The following HHLA1 variants were observed in gnomAD, a reference collection of about 807,000 sequenced individuals.
HHLA1 encodes HERV-H LTR-associating protein 1.
HHLA1 carries 72 observed loss-of-function variants against 69.9 expected under a neutral mutation model. That is an observed-to-expected ratio of 1.03 (90% CI 0.85 to 1.25). HHLA1 has a LOEUF of 1.25. Ranked by LOEUF, HHLA1 falls within the 50% of genes most tolerant of loss-of-function variation. The pLI is 0.00. For synonymous variants in HHLA1, 252 were observed against 233.2 expected, an observed-to-expected ratio of 1.08 and a Z score of -0.73; for missense variants, 685 against 642.2, an observed-to-expected ratio of 1.07 and a Z score of -0.72.
intron 12 of HHLA1, among the ~76,000 whole-genome samples, chr8:132,076,816 G>C (rs1187138010): frequency 6.6e-6 from 1 of 152,128 alleles, no homozygotes; most frequent in East Asian, 1.9e-4. Context: ...CTGCACAGGA[G>C]AGCGATGGTG....
intron 15 of HHLA1, 95 bp from the exon 16 acceptor site, chr8:132,066,063 T>C: frequency 2.1e-6 from 1 of 465,724 alleles, no homozygotes; most frequent in Non-Finnish European, 4.1e-6. Context: ...AAACATGAAC[T>C]ATATGGCCAA....
chr8:132,098,852 A>G (rs764996032), intron 5 of HHLA1, 30 bp downstream of exon 5: 83 of 1,432,206 alleles, frequency 5.8e-5, no homozygotes, highest in Non-Finnish European at 7.8e-5. Flanking sequence ...AAAAAAATGG[A>G]CCTGGATTGT....
chr8:132,074,813 T>C (rs1026769379), intron 14 of HHLA1, among the ~76,000 whole-genome samples: 1 of 152,150 alleles, frequency 6.6e-6, no homozygotes, highest in Non-Finnish European at 1.5e-5. Context: ...GATAGATAGA[T>C]GGCTTGGATA....
chr8:132,071,623 A>C, intron 14 of HHLA1, 130 bp from the exon 15 acceptor site: 1 of 788,782 alleles, frequency 1.3e-6, no homozygotes, highest in Non-Finnish European at 2.0e-6. Flanking sequence ...ACAGGTAAAC[A>C]TAGCATTCCT....
chr8:132,084,355 C>T (rs1480687172), intron 10 of HHLA1, among the ~76,000 whole-genome samples: 5 of 151,912 alleles, frequency 3.3e-5, no homozygotes, highest in African/African-American at 9.7e-5. Flanking sequence ...AAAGACTCAG[C>T]GACGCTTGGG....
In HHLA1 at chr8:132,079,718, C is replaced by T. The variant is rs1823707390; in HGVS notation, c.925G>A (p.Ala309Thr). 1 of 1,544,060 alleles carries T rather than the reference C, an allele frequency of 6.5e-7. No individual in the cohort carries two copies. Among genetic ancestry groups the T allele is most frequent in the Admixed American group, 2.0e-5 (1 of 49,970 alleles). The change falls in exon 11 of 17, where the codon GCT becomes ACT. Residue 309 changes from alanine to threonine, a missense_variant and splice_region_variant. Transcript: ENST00000414222. ...AGGAAAGGGTGAGAATGCATCTTAC[C>T]CAAGGCTGGGAGAGTGTGGGAGGCA... ...FSASHTLPALATRRVARTQWL... is the reference protein window; with the variant it reads ...FSASHTLPALTTRRVARTQWL...
rs931748418 is a variant in HHLA1, at chr8:132,077,904, G to A, written c.993C>T (p.Ser331=). The stretch of plus-strand genomic sequence containing the variant: ...CACTGATGGTCTGAGCCCAGGGCAC[G>A]GACGATATGGAAGCCCACGTCTGTC... ...ADRQTWASIS[S]VPWAQTISEK... is the part of the protein sequence containing the mutation. Residue 331 remains serine, a synonymous_variant, in exon 12 of 17, where the codon TCC becomes TCT. Transcript: ENST00000414222. 1.7e-5 allele frequency: 27 copies of A among 1,551,358 alleles called. No individual in the cohort carries two copies. The highest frequency in any genetic ancestry group is 9.6e-5 in the African/African-American group (7 of 72,986).
At chr8:132,087,806 C>T (rs1225838872) in intron 9 of HHLA1, 39 bp downstream of exon 9, 1 of 1,546,846 alleles carries the variant, frequency 6.5e-7, no homozygotes, top group South Asian at 1.2e-5. Flanking sequence ...GTCTATTTCT[C>T]AGCCCAGAGA....
At chr8:132,098,989 C>T in intron 4 of HHLA1, 27 bp from the exon 5 acceptor site, 1 of 1,472,924 alleles carries the variant, frequency 6.8e-7, no homozygotes, top group Non-Finnish European at 9.2e-7. Context: ...GATAATGTCA[C>T]TGGCAGGCTT....
At position 132,062,186 on chromosome 8, in the gene HHLA1, C is replaced by G. The variant is rs1471496536; in HGVS notation, c.*1809G>C. The G allele has an allele frequency of 6.6e-6, 1 of 152,190 alleles. No individual in the cohort carries two copies. The highest frequency in any genetic ancestry group is 1.5e-5 in the Non-Finnish European group (1 of 68,038). The allele number at this position is 152,190 out of a possible 1,614,324, so 9.4% of individuals were successfully genotyped here. On this transcript the variant is annotated 3_prime_UTR_variant, in exon 17 of 17. Transcript: ENST00000414222. Reference sequence around the variant, plus strand: ...ATCCAGGTAGAAGTCCCTTTGCCTCCCAGAAAATTTGCTGTATCCTCTTCA... The same window carrying G: ...ATCCAGGTAGAAGTCCCTTTGCCTCGCAGAAAATTTGCTGTATCCTCTTCA...
intron 3 of HHLA1, among the ~76,000 whole-genome samples, chr8:132,103,679 A>G (rs1824154175): frequency 6.6e-6 from 1 of 152,144 alleles, no homozygotes; most frequent in African/African-American, 2.4e-5. Flanking sequence ...TCAAAACTAA[A>G]ACCGAAACCA....
At chr8:132,071,953 C>A (rs1382421839) in intron 14 of HHLA1, among the ~76,000 whole-genome samples, 1 of 151,756 alleles carries the variant, frequency 6.6e-6, no homozygotes, top group East Asian at 1.9e-4. Flanking sequence ...TATGTATGTG[C>A]ATGCATGTGA....
At chr8:132,081,171 G>A (rs915245155) in intron 10 of HHLA1, 1 of 152,040 alleles carries the variant, frequency 6.6e-6, no homozygotes, top group Non-Finnish European at 1.5e-5. Context: ...GTGTAAACCG[G>A]CAGTGTAAAC....
intron 14 of HHLA1, among the ~76,000 whole-genome samples, chr8:132,072,011 T>C (rs1823554702): frequency 6.6e-6 from 1 of 152,016 alleles, no homozygotes; most frequent in African/African-American, 2.4e-5. Flanking sequence ...TGCACGTGCA[T>C]GTGTATGTGA....
intron 13 of HHLA1, 39 bp from the exon 14 acceptor site, chr8:132,076,168 G>A (rs1361008666): frequency 2.2e-5 from 31 of 1,408,826 alleles, no homozygotes; most frequent in Non-Finnish European, 2.9e-5. Context: ...AGTCAGAATG[G>A]AATTACCTTA....
intron 16 of HHLA1, among the ~76,000 whole-genome samples, chr8:132,065,347 T>C (rs1369904244): frequency 6.6e-6 from 1 of 152,184 alleles, no homozygotes; most frequent in Non-Finnish European, 1.5e-5. Context: ...AGTGGTGCAA[T>C]CTCGGCTTAC....
chr8:132,068,931 A>T (rs1823484619), intron 15 of HHLA1, among the ~76,000 whole-genome samples: 1 of 152,354 alleles, frequency 6.6e-6, no homozygotes, highest in African/African-American at 2.4e-5. Context: ...CAGTTTAAAA[A>T]TGGACAGGAT....
chr8:132,103,739 A>T (rs2469496), intron 3 of HHLA1, among the ~76,000 whole-genome samples: 133,667 of 152,222 alleles, frequency 0.88, 58,771 homozygotes, highest in Middle Eastern at 0.95. Flanking sequence ...ACCTGTTCCC[A>T]GACTCCTCTT....
intron 3 of HHLA1, among the ~76,000 whole-genome samples, chr8:132,103,358 C>T (rs1824143837): frequency 6.6e-6 from 1 of 152,176 alleles, no homozygotes; most frequent in Admixed American, 6.5e-5. Context: ...TGGCTCATGC[C>T]TGTAATCCTA....
Sources: allele counts gnomAD v4.1 joint callset (sites outside exome capture counted in the v4.1 genomes callset), GRCh38; gene constraint gnomAD v4.1.1; transcripts MANE v1.5; gene names NCBI Gene and HGNC (gene_info 2026-07-23, HGNC 2026-07-21).